XKRX: variants seen among roughly 807,000 people sequenced by gnomAD.
XKRX encodes the protein XK related X-linked.
Under a neutral mutation model 22.4 loss-of-function variants are expected in XKRX, and 11 were observed. The ratio of observed to expected loss-of-function variants is 0.49; its 90% confidence interval spans 0.31 to 0.81. The LOEUF (loss-of-function observed/expected upper bound fraction) is 0.81, where lower values mean the gene tolerates loss of function less well. Among genes scored for constraint, XKRX ranks in the 40% least tolerant of loss-of-function variants. XKRX has a pLI of 0.05. For synonymous variants in XKRX, 114 were observed against 132.2 expected (o/e 0.86, Z 0.94); for missense variants, 320 against 336.5 (o/e 0.95, Z 0.38).
chrX:100,958,340 AGTTT>A, the XKRX span, among the ~76,000 whole-genome samples: 1 of 112,261 alleles, frequency 8.9e-6, no homozygotes, highest in Non-Finnish European at 1.9e-5. Context: ...TGGGAACATT[AGTTT>A]ATGTGCGCCA....
At chrX:100,950,584 G>A in the XKRX span, among the ~76,000 whole-genome samples, 3 of 112,218 alleles carry the variant, frequency 2.7e-5, no homozygotes, top group Non-Finnish European at 5.6e-5. Flanking sequence ...CAGAGCAGAT[G>A]TTCTTTTAAA....
the XKRX span, among the ~76,000 whole-genome samples, chrX:100,934,825 C>T: frequency 8.9e-6 from 1 of 112,138 alleles, no homozygotes; most frequent in East Asian, 2.8e-4. Flanking sequence ...TTTCCATCAG[C>T]CGTGTTCAGC....
chrX:100,952,388 C>T, the XKRX span, among the ~76,000 whole-genome samples: 38 of 108,015 alleles, frequency 3.5e-4, no homozygotes, highest in African/African-American at 1.3e-3. Context: ...GCATGGGGGT[C>T]GCTGGCCTCC....
At chrX:100,945,644 A>G in the XKRX span, among the ~76,000 whole-genome samples, 1 of 110,116 alleles carries the variant, frequency 9.1e-6, no homozygotes, top group African/African-American at 3.3e-5. Context: ...AAATCTCAGT[A>G]GGCTATTTAA....
chrX:100,889,049 G>A, the XKRX span, among the ~76,000 whole-genome samples: 3 of 109,232 alleles, frequency 2.7e-5, no homozygotes, highest in Non-Finnish European at 3.8e-5. Context: ...GACCAGTCAT[G>A]GCCAACATGG....
At chrX:100,939,592 C>T in the XKRX span, among the ~76,000 whole-genome samples, 6 of 111,867 alleles carry the variant, frequency 5.4e-5, no homozygotes, top group East Asian at 1.1e-3. Context: ...ACCGGAAGTT[C>T]ACGTATTCCC....
At chrX:100,930,918 G>T (rs969373392), upstream of XKRX, among the ~76,000 whole-genome samples, 1 of 110,228 alleles carries the variant, frequency 9.1e-6, no homozygotes, top group East Asian at 2.8e-4. Flanking sequence ...AATGGCCTGA[G>T]ATCAGGAGTT....
At chrX:100,901,510 A>G in the XKRX span, among the ~76,000 whole-genome samples, 1 of 112,113 alleles carries the variant, frequency 8.9e-6, no homozygotes, top group East Asian at 2.8e-4. Context: ...CTGATAGGAG[A>G]CACAGAAAAA....
the XKRX span, chrX:100,887,589 C>A: frequency 1.7e-6 from 1 of 587,862 alleles, no homozygotes; most frequent in South Asian, 2.3e-5. Flanking sequence ...TGCAGCTTCC[C>A]TGTCACTTCT....
chrX:100,934,046 C>T (rs905081563), upstream of XKRX, among the ~76,000 whole-genome samples: 7 of 111,032 alleles, frequency 6.3e-5, no homozygotes, highest in South Asian at 7.6e-4. Flanking sequence ...CCCCACTCCT[C>T]GCAGCACTAG....
At chrX:100,898,592 A>C in the XKRX span, among the ~76,000 whole-genome samples, 1 of 88,964 alleles carries the variant, frequency 1.1e-5, no homozygotes, top group African/African-American at 4.0e-5. Flanking sequence ...CCTAAACAAC[A>C]ACAACAAAAA....
At chrX:100,930,283 C>T (rs112773853), upstream of XKRX, among the ~76,000 whole-genome samples, 4,007 of 77,234 alleles carry the variant, frequency 0.052, 162 homozygotes, top group African/African-American at 0.14. Context: ...AGCAAGATTA[C>T]GTCTTAATAA....
chrX:100,956,163 T>C, the XKRX span, among the ~76,000 whole-genome samples: 1 of 111,049 alleles, frequency 9.0e-6, no homozygotes, highest in African/African-American at 3.3e-5. Flanking sequence ...TGATGAGAGA[T>C]GGACTCATGG....
At chrX:100,923,837 CTTTTTTT>C (rs745938618) in intron 1 of XKRX, among the ~76,000 whole-genome samples, 2 of 88,148 alleles carry the variant, frequency 2.3e-5, no homozygotes, top group Non-Finnish European at 4.4e-5. Context: ...TTCTTTCTTT[CTTTTTTT>C]TTTTTTTTTT....
chrX:100,944,263 G>C, the XKRX span, among the ~76,000 whole-genome samples: 1 of 112,305 alleles, frequency 8.9e-6, no homozygotes, highest in African/African-American at 3.2e-5. Context: ...AACAAGAAAA[G>C]GGTGGCATGA....
rs1409998836 is a variant in XKRX, at chrX:100,914,093, G to C, written c.*245C>G. 2.6e-6 allele frequency: 1 copy of C among 383,177 alleles called. No individual in the cohort carries two copies. Among genetic ancestry groups the C allele is most frequent in the Non-Finnish European group, 4.5e-6 (1 of 221,737 alleles). 31.6% of individuals were successfully genotyped at this position (383,177 alleles called of 1,213,427 possible). ...AAGTTATTCCAATTGACTTGGGTAA[G>C]AAGGGTGTGAATGGTATTTCTGACC... On this transcript the variant is annotated 3_prime_UTR_variant, in exon 3 of 3. Transcript: ENST00000372956.
At position 100,922,825 on chromosome X, in the gene XKRX, C is replaced by T; in HGVS notation, c.572G>A (p.Ser191Asn). The change falls in exon 2 of 3, where the codon AGC becomes AAC. Residue 191 changes from serine (S) to asparagine (N), a missense_variant. Physicochemically the swap from Ser to Asn is conservative, Grantham distance 46 (BLOSUM62 1). Coordinates refer to ENST00000372956, the MANE Select transcript of XKRX (RefSeq NM_212559.3). ...VPQLTYQLYV[S>N]LISAEVPLGR... Reference sequence around the variant, plus strand: ...CAGGGGAACCTCTGCAGAGATCAGGCTCACATAGAGCTGATAGGTCAGCTG... The same window carrying T: ...CAGGGGAACCTCTGCAGAGATCAGGTTCACATAGAGCTGATAGGTCAGCTG... 8.3e-7 allele frequency: 1 copy of T among 1,211,557 alleles called. No individual in the cohort carries two copies. Among genetic ancestry groups the T allele is most frequent in the Admixed American group, 2.2e-5 (1 of 45,989 alleles).
At chrX:100,900,799 T>C in the XKRX span, among the ~76,000 whole-genome samples, 1 of 102,715 alleles carries the variant, frequency 9.7e-6, no homozygotes, top group African/African-American at 3.6e-5. Flanking sequence ...TTTTTTTTTT[T>C]TTTTTTTTGA....
chrX:100,934,827 G>A, the XKRX span, among the ~76,000 whole-genome samples: 1 of 112,130 alleles, frequency 8.9e-6, no homozygotes, highest in South Asian at 3.8e-4. Flanking sequence ...TCCATCAGCC[G>A]TGTTCAGCCG....
Sources: gnomAD v4.1 joint callset for allele counts (sites outside exome capture counted in the v4.1 genomes callset) on GRCh38, gnomAD v4.1.1 for gene constraint, MANE v1.5 for transcripts, NCBI Gene and HGNC (gene_info 2026-07-23, HGNC 2026-07-21) for gene names.